Variants in SLC16A12 observed in about 807,000 individuals in gnomAD.
SLC16A12 encodes solute carrier family 16 member 12.
In SLC16A12, 17 loss-of-function variants were observed where a neutral mutation model predicts 42.4. The ratio of observed to expected loss-of-function variants is 0.40; its 90% CI spans 0.27 to 0.60. The LOEUF is 0.60. Among genes scored for constraint, SLC16A12 ranks in the 20% least tolerant of loss-of-function variants. The pLI, the probability that SLC16A12 is intolerant of heterozygous loss-of-function variation, is 0.42. For synonymous variants in SLC16A12, 224 were observed against 229.4 expected (o/e 0.98, Z 0.21); for missense variants, 544 against 623.0 (o/e 0.87, Z 1.35).
intron 2 of SLC16A12, among the ~76,000 whole-genome samples, chr10:89,527,400 T>C (rs1302515046): frequency 1.3e-5 from 2 of 151,882 alleles, no homozygotes; most frequent in Non-Finnish European, 2.9e-5. Context: ...GGAGAATCGC[T>C]TGAACCCAGG....
At chr10:89,502,766 G>T (rs1467679380) in intron 2 of SLC16A12, among the ~76,000 whole-genome samples, 1 of 152,234 alleles carries the variant, frequency 6.6e-6, no homozygotes, top group Non-Finnish European at 1.5e-5. Context: ...CATATTGGTT[G>T]TCAGAGATTG....
intron 2 of SLC16A12, among the ~76,000 whole-genome samples, chr10:89,554,087 A>AAGGAAGGAAGGAAGGAAGGAAGGAAG (rs1843790266): frequency 6.7e-4 from 23 of 34,230 alleles, no homozygotes; most frequent in South Asian, 1.9e-3. Context: ...AAAGAAAGAA[A>AAGGAAGGAAGGAAGGAAGGAAGGAAG]GAAAGAAAGA....
At chr10:89,466,862 T>C (rs1444439332) in intron 2 of SLC16A12, among the ~76,000 whole-genome samples, 2 of 152,218 alleles carry the variant, frequency 1.3e-5, no homozygotes, top group Non-Finnish European at 2.9e-5. Context: ...CTTCTGCCCA[T>C]ACTGTGCTAA....
At chr10:89,441,876 G>T (rs139847265) in intron 4 of SLC16A12, among the ~76,000 whole-genome samples, 2 of 152,296 alleles carry the variant, frequency 1.3e-5, no homozygotes, top group African/African-American at 2.4e-5. Context: ...TGGCCTCAAG[G>T]CTCATAGAAT....
chr10:89,487,833 A>G lies in SLC16A12; in HGVS notation c.-46-25209T>C, dbSNP rs1377728707. Reference sequence around the variant, plus strand: ...TCAAAAAAAAAAAAAAAAAAAAGGAAGTGTTATTTCTCTGTCAAAAAGACA... The same window carrying G: ...TCAAAAAAAAAAAAAAAAAAAAGGAGGTGTTATTTCTCTGTCAAAAAGACA... On this transcript the variant is annotated intron_variant, in intron 2 of 7. Coordinates refer to ENST00000371790, the MANE Select transcript of SLC16A12 (RefSeq NM_213606.4). 3.6e-5 allele frequency among the ~76,000 whole-genome samples: 5 copies of G among 139,598 alleles called. No homozygotes were observed. In the East Asian group the frequency reaches 1.0e-3, roughly 28 times the overall value. 91.6% of individuals were successfully genotyped at this position (139,598 alleles called of 152,430 possible). A position where few individuals can be genotyped will look rare whatever the true frequency, so the allele number is the denominator to read the frequency against.
intron 6 of SLC16A12, among the ~76,000 whole-genome samples, chr10:89,436,910 A>AAG (rs1276577455): frequency 1.4e-5 from 2 of 146,052 alleles, no homozygotes; most frequent in African/African-American, 2.5e-5. Context: ...GAAAGAAAGA[A>AAG]AGAAAAAGAA....
upstream of SLC16A12, among the ~76,000 whole-genome samples, chr10:89,536,033 G>A (rs1399288976): frequency 6.6e-6 from 1 of 152,240 alleles, no homozygotes; most frequent in African/African-American, 2.4e-5. Flanking sequence ...GGGGCGAGGG[G>A]CGCAGCGGAG....
intron 3 of SLC16A12, among the ~76,000 whole-genome samples, chr10:89,460,075 C>G (rs1055521620): frequency 2.0e-5 from 3 of 152,184 alleles, no homozygotes; most frequent in East Asian, 3.8e-4. Context: ...AGTATCTCAT[C>G]TAAAAGCACT....
At position 89,441,146 on chromosome 10, in the gene SLC16A12, C is replaced by T. The variant is rs1471841412; in HGVS notation, c.410G>A (p.Ser137Asn). Residue 137 changes from serine (S) to asparagine (N), a missense_variant, in exon 5 of 8, where the codon AGT becomes AAT. Ser to Asn is a conservative substitution (Grantham distance 46). Coordinates refer to ENST00000371790, the MANE Select transcript of SLC16A12 (RefSeq NM_213606.4). ...TGLILSSFATSLKHLYLTLGV... is the reference protein window; with the variant it reads ...TGLILSSFATNLKHLYLTLGV... ...CAGAGTGAGGTAGAGATGCTTCAGA[C>T]TCGTGGCAAATGAGCTCAGGATGAG... 2 of 1,613,934 alleles carry T rather than the reference C, an allele frequency of 1.2e-6. No individual in the cohort carries two copies.
At chr10:89,537,150 T>C (rs1293027656), upstream of SLC16A12, among the ~76,000 whole-genome samples, 1 of 150,796 alleles carries the variant, frequency 6.6e-6, no homozygotes, top group South Asian at 2.1e-4. Flanking sequence ...GGTATGTTTT[T>C]TTTTTTTTTT....
chr10:89,554,075 A>AAGGAAGGAAGGAAGGAAG (rs1843789379), intron 2 of SLC16A12, among the ~76,000 whole-genome samples: 1 of 74,858 alleles, frequency 1.3e-5, no homozygotes, highest in Admixed American at 1.2e-4. Flanking sequence ...AAAGAAAGAA[A>AAGGAAGGAAGGAAGGAAG]GAAAGAAAGA....
upstream of SLC16A12, among the ~76,000 whole-genome samples, chr10:89,540,304 G>A (rs951004267): frequency 6.6e-6 from 1 of 152,060 alleles, no homozygotes; most frequent in Non-Finnish European, 1.5e-5. Flanking sequence ...TTGCCATGTT[G>A]CCCAGGCTGG....
chr10:89,457,067 T>C (rs1158478883), intron 3 of SLC16A12, among the ~76,000 whole-genome samples: 1 of 152,164 alleles, frequency 6.6e-6, no homozygotes, highest in African/African-American at 2.4e-5. Flanking sequence ...TTCCTTTGGG[T>C]ATATACCCCG....
intron 2 of SLC16A12, among the ~76,000 whole-genome samples, chr10:89,531,839 T>A (rs563441867): frequency 6.6e-6 from 1 of 152,348 alleles, no homozygotes; most frequent in African/African-American, 2.4e-5. Flanking sequence ...GCAACTCCAA[T>A]GGGCCCTCCT....
rs552356232 is a variant in SLC16A12 at position 89,492,425 on chromosome 10, G to GT, written c.-46-29802dup. ...AACTCACCTATGCTTAAAAGGACTT[G>GT]TAAAAAAAAAATAGCTATAAGTAGC... On this transcript the variant is annotated intron_variant, in intron 2 of 7. Coordinates refer to ENST00000371790, the MANE Select transcript of SLC16A12 (RefSeq NM_213606.4). Among the ~76,000 whole-genome samples the GT allele has an allele frequency of 1.4e-4, 21 of 151,796 alleles. No homozygotes were observed. The South Asian group carries it at 4.4e-3, about 32-fold the overall frequency.
chr10:89,431,563 T>C lies in SLC16A12; in HGVS notation c.*1501A>G, dbSNP rs939355264. The C allele has an allele frequency of 3.3e-5, 5 of 152,190 alleles. No individual in the cohort carries two copies. Among genetic ancestry groups the C allele is most frequent in the South Asian group, 2.1e-4 (1 of 4,830 alleles). 9.4% of individuals were successfully genotyped at this position (152,190 alleles called of 1,614,324 possible). A position where few individuals can be genotyped will look rare whatever the true frequency, so the allele number is the denominator to read the frequency against. On this transcript the variant is annotated 3_prime_UTR_variant, in exon 8 of 8. Coordinates refer to ENST00000371790, the MANE Select transcript of SLC16A12 (RefSeq NM_213606.4). ...GGATCATCCTCATTGCTGTTTTTTT[T>C]CCCCCAGCACTTGTGAGGCCTTGTA... is the stretch of plus-strand genomic sequence containing the variant.
chr10:89,502,894 A>C (rs1439284534), intron 2 of SLC16A12, among the ~76,000 whole-genome samples: 2 of 152,222 alleles, frequency 1.3e-5, no homozygotes, highest in African/African-American at 4.8e-5. Context: ...CTATCTCTTA[A>C]TAAAAGGCTG....
intron 5 of SLC16A12, among the ~76,000 whole-genome samples, chr10:89,439,914 A>G (rs758089036): frequency 4.0e-5 from 6 of 151,680 alleles, no homozygotes; most frequent in Non-Finnish European, 8.8e-5. Context: ...TCTGCAAAAA[A>G]AAATACAAAA....
At chr10:89,519,849 T>C (rs1463055183) in intron 2 of SLC16A12, among the ~76,000 whole-genome samples, 1 of 152,184 alleles carries the variant, frequency 6.6e-6, no homozygotes, top group Non-Finnish European at 1.5e-5. Context: ...GTGCGGTGGC[T>C]CATGCCTGTA....
Sources: gnomAD v4.1 joint callset for allele counts (sites outside exome capture counted in the v4.1 genomes callset) on GRCh38, gnomAD v4.1.1 for gene constraint, MANE v1.5 for transcripts, NCBI Gene and HGNC (gene_info 2026-07-23, HGNC 2026-07-21) for gene names.